Variants in MSH3 observed in about 807,000 individuals in gnomAD.
The protein encoded by MSH3 is mutS homolog 3, also known as DNA mismatch repair protein Msh3.
A neutral mutation model predicts 123.3 loss-of-function variants in MSH3; 106 were observed. The observed-to-expected ratio is 0.86, with a 90% CI of 0.73 to 1.01. The LOEUF is 1.01. MSH3 is among the 50% of genes least tolerant of loss of function. MSH3 has a pLI of 0.00. For missense variants in MSH3, 1,459 were observed against 1,347.6 expected (o/e 1.08, Z -1.29); for synonymous variants, 515 against 481.4 (o/e 1.07, Z -0.91).
rs1353476726 is a variant in MSH3, at chr5:80,744,555, A to T, written c.1703A>T (p.Lys568Ile). ...TTGCTGTGGGTTTTAGACCACACTA[A>T]AACTTCATTTGGGAGACGGAAGTTA... ...GSLLWVLDHT[K>I]TSFGRRKLKK... The change falls in exon 12 of 24, where the codon AAA becomes ATA. Residue 568 changes from lysine (K) to isoleucine (I), a missense_variant. Transcript: ENST00000265081. The T allele has an allele frequency of 3.1e-6, 5 of 1,614,002 alleles. No individual in the cohort carries two copies. The highest frequency in any genetic ancestry group is 4.2e-6 in the Non-Finnish European group (5 of 1,179,954).
chr5:80,846,410 A>G (rs1745722181), intron 20 of MSH3, among the ~76,000 whole-genome samples: 1 of 151,380 alleles, frequency 6.6e-6, no homozygotes, highest in Non-Finnish European at 1.5e-5. Flanking sequence ...GTCGAATGCC[A>G]TGCTGAGAGA....
chr5:80,803,875 A>G (rs1744837150), intron 19 of MSH3, among the ~76,000 whole-genome samples: 1 of 151,804 alleles, frequency 6.6e-6, no homozygotes, highest in Admixed American at 6.6e-5. Context: ...TAGGTGTGTG[A>G]ATTTGTTTCT....
chr5:80,873,922 T>A (rs1306258895), intron 23 of MSH3, among the ~76,000 whole-genome samples: 1 of 152,158 alleles, frequency 6.6e-6, no homozygotes, highest in East Asian at 1.9e-4. Flanking sequence ...AATATCATAT[T>A]AGTAAATTAT....
chr5:80,869,815 TATATATATAC>T (rs539176156), intron 22 of MSH3, among the ~76,000 whole-genome samples: 9 of 85,394 alleles, frequency 1.1e-4, no homozygotes, highest in African/African-American at 2.5e-4. Flanking sequence ...CATATATACA[TATATATATAC>T]ATATATACAT....
intron 20 of MSH3, among the ~76,000 whole-genome samples, chr5:80,831,383 A>T (rs1561492284): frequency 6.6e-6 from 1 of 152,216 alleles, no homozygotes; most frequent in Non-Finnish European, 1.5e-5. Flanking sequence ...GTTTAGGTAG[A>T]TGGCTTTCCA....
intron 21 of MSH3, chr5:80,855,606 G>A (rs1745902676): frequency 6.6e-6 from 1 of 152,172 alleles, no homozygotes; most frequent in African/African-American, 2.4e-5. Context: ...TGACTACCTT[G>A]CTGTGAGCGG....
In MSH3 at chr5:80,735,461, C is replaced by T. The variant is rs556894835; in HGVS notation, c.1569-6003C>T. 7.9e-5 allele frequency among the ~76,000 whole-genome samples: 12 copies of T among 150,960 alleles called. No homozygotes were observed. In the South Asian group the frequency reaches 1.5e-3, roughly 18 times the overall value. ...CAGCGCTTTGGGAGGTCAAGGCCTTCGGATTGCCTGAGATCAGGAGTCCGA... is the reference window on the plus strand; with the variant it reads ...CAGCGCTTTGGGAGGTCAAGGCCTTTGGATTGCCTGAGATCAGGAGTCCGA... On this transcript the variant is annotated intron_variant, in intron 10 of 23. Transcript: ENST00000265081.
At chr5:80,782,188 T>G (rs1254471267) in intron 17 of MSH3, among the ~76,000 whole-genome samples, 2 of 152,124 alleles carry the variant, frequency 1.3e-5, no homozygotes, top group Non-Finnish European at 2.9e-5. Context: ...TGTTAACTGA[T>G]TATTTCTGGA....
At chr5:80,692,869 TTAGA>T (rs1390325074) in intron 8 of MSH3, among the ~76,000 whole-genome samples, 2 of 105,794 alleles carry the variant, frequency 1.9e-5, no homozygotes, top group South Asian at 3.2e-4. Flanking sequence ...ATGTATATGT[TTAGA>T]TAAATATACA....
At chr5:80,861,904 G>A (rs1746018459) in intron 21 of MSH3, among the ~76,000 whole-genome samples, 2 of 152,146 alleles carry the variant, frequency 1.3e-5, no homozygotes, top group African/African-American at 4.8e-5. Context: ...GATCTAAAGA[G>A]TTGATTTTTC....
Position 80,876,294 on chromosome 5 carries a change from A to G in MSH3, c.*432A>G, listed in dbSNP as rs982184471. On this transcript the variant is annotated 3_prime_UTR_variant, in exon 24 of 24. Coordinates refer to ENST00000265081, the MANE Select transcript of MSH3 (RefSeq NM_002439.5). ...CAACCAGTTTATCCACCAAGAACAT[A>G]AGAATTTTTTATAAGTAGAAAGAAT... The G allele has an allele frequency of 3.0e-4, 64 of 214,986 alleles. No individual in the cohort carries two copies. Among genetic ancestry groups the G allele is most frequent in the Non-Finnish European group, 5.8e-4 (62 of 107,032 alleles). The allele number at this position is 214,986 out of a possible 1,614,324, so 13.3% of individuals were successfully genotyped here.
chr5:80,706,174 CCTT>C (rs1276116531), intron 8 of MSH3, among the ~76,000 whole-genome samples: 16 of 152,228 alleles, frequency 1.1e-4, no homozygotes, highest in African/African-American at 3.6e-4. Flanking sequence ...GGAAACAGCT[CCTT>C]CTTGGGAAAA....
intron 19 of MSH3, among the ~76,000 whole-genome samples, chr5:80,809,558 T>C (rs1744970013): frequency 6.6e-6 from 1 of 152,248 alleles, no homozygotes; most frequent in Non-Finnish European, 1.5e-5. Context: ...TGCATTTCCA[T>C]TGGTCCCTCT....
Position 80,695,038 on chromosome 5 carries a change from C to T in MSH3, c.1340+15945C>T, listed in dbSNP as rs913677681. Among the ~76,000 whole-genome samples, 57 of 136,414 alleles carry T rather than the reference C, an allele frequency of 4.2e-4. 1 individual carries two copies. The highest frequency in any genetic ancestry group is 2.7e-4 in the Non-Finnish European group (17 of 63,160). The allele number at this position is 136,414 out of a possible 152,430, so 89.5% of individuals were successfully genotyped here. A position where few individuals can be genotyped will look rare whatever the true frequency, so the allele number is the denominator to read the frequency against. ...CTTGCCAAATTTGTGAATATTTCAT[C>T]TATTATTTCTTCAAGGTTTTTGTTG... On this transcript the variant is annotated intron_variant, in intron 8 of 23. Transcript: ENST00000265081.
At chr5:80,768,394 G>A (rs1393879024) in intron 14 of MSH3, among the ~76,000 whole-genome samples, 1 of 152,114 alleles carries the variant, frequency 6.6e-6, no homozygotes, top group Admixed American at 6.5e-5. Flanking sequence ...CCAAGCATTA[G>A]TAGTTTATTA....
At chr5:80,831,909 C>T (rs1340906706) in intron 20 of MSH3, among the ~76,000 whole-genome samples, 2 of 151,954 alleles carry the variant, frequency 1.3e-5, no homozygotes, top group African/African-American at 2.4e-5. Context: ...GAGATCGAGA[C>T]CATCCTGGCT....
intron 8 of MSH3, 98 bp downstream of exon 8, chr5:80,679,191 T>A: frequency 7.8e-7 from 1 of 1,285,932 alleles, no homozygotes; most frequent in Non-Finnish European, 1.1e-6. Context: ...AGTTTTTACT[T>A]ACAAAAATTA....
intron 21 of MSH3, among the ~76,000 whole-genome samples, chr5:80,864,232 C>T (rs1561503315): frequency 6.6e-6 from 1 of 152,112 alleles, no homozygotes; most frequent in Non-Finnish European, 1.5e-5. Context: ...ATAAAAAAAT[C>T]AGAGTTTAGT....
chr5:80,725,415 G>A (rs763562560), intron 8 of MSH3, 38 bp from the exon 9 acceptor site: 15 of 1,412,432 alleles, frequency 1.1e-5, no homozygotes, highest in African/African-American at 7.1e-5. Flanking sequence ...TCATGATAAT[G>A]GATAAGTTAT....
Sources: allele counts gnomAD v4.1 joint callset (sites outside exome capture counted in the v4.1 genomes callset), GRCh38; gene constraint gnomAD v4.1.1; transcripts MANE v1.5; gene names NCBI Gene and HGNC (gene_info 2026-07-23, HGNC 2026-07-21).